Variants in VWF observed in about 807,000 individuals in gnomAD.
VWF encodes von Willebrand factor, also known as Factor VIII related antigen.
A neutral mutation model predicts 308.6 loss-of-function variants in VWF; 176 were observed. That is an observed-to-expected ratio of 0.57 (90% CI 0.50 to 0.65). The LOEUF is 0.65. Among genes scored for constraint, VWF ranks in the 30% least tolerant of loss-of-function variants. The pLI is 0.00. For synonymous variants in VWF, 1,385 were observed against 1,443.4 expected, an observed-to-expected ratio of 0.96 and a Z score of 0.92; for missense variants, 3,146 against 3,648.2, an observed-to-expected ratio of 0.86 and a Z score of 3.55.
intron 6 of VWF, among the ~76,000 whole-genome samples, chr12:6,081,975 T>G (rs558837397): frequency 7.8e-4 from 117 of 150,932 alleles, no homozygotes; most frequent in African/African-American, 2.7e-3. Context: ...AATATGGTGT[T>G]TTTTTTTTTG....
chr12:6,116,956 C>G (rs576475546), intron 3 of VWF, among the ~76,000 whole-genome samples: 113 of 152,256 alleles, frequency 7.4e-4, no homozygotes, highest in Middle Eastern at 3.4e-3. Flanking sequence ...AAGTCCTGGG[C>G]TCCCTCCCCT....
In VWF at chr12:6,075,039, G is replaced by A. The variant is rs1214257096; in HGVS notation, c.874+296C>T. Among the ~76,000 whole-genome samples, 1 of 150,750 alleles carries A rather than the reference G, an allele frequency of 6.6e-6. No individual in the cohort carries two copies. Among genetic ancestry groups the A allele is most frequent in the Admixed American group, 6.6e-5 (1 of 15,054 alleles). ...ACTGCCAAGATCTTGGTGGGAAGCA[G>A]AGAACACTGTGTGAGTGCAGGGGTC... On this transcript the variant is annotated intron_variant, in intron 7 of 51. Transcript: ENST00000261405. The surrounding 1 kb of genome is among the most constrained non-coding windows in gnomAD (Gnocchi z 4.7).
chr12:5,999,652 T>A (rs1259260174), intron 34 of VWF, among the ~76,000 whole-genome samples: 3 of 152,148 alleles, frequency 2.0e-5, no homozygotes, highest in East Asian at 3.9e-4. Flanking sequence ...ACACTCCTCA[T>A]CTAATGAAAA....
At chr12:5,964,246 ACATG>A (rs1555189790) in intron 47 of VWF, among the ~76,000 whole-genome samples, 2,122 of 133,062 alleles carry the variant, frequency 0.016, 45 homozygotes, top group African/African-American at 0.065. Context: ...ATACATACAT[ACATG>A]CATACATACA....
chr12:6,068,526 G>A (rs1376017744), intron 10 of VWF, among the ~76,000 whole-genome samples: 2 of 152,022 alleles, frequency 1.3e-5, no homozygotes, highest in Non-Finnish European at 2.9e-5. Context: ...GTGGAGTGCA[G>A]TGGCGCCATC....
rs373521756 is a variant in VWF, at chr12:6,072,349, G to A, written c.1091C>T (p.Ser364Phe). 2 of 1,614,072 alleles carry A rather than the reference G, an allele frequency of 1.2e-6. No individual in the cohort carries two copies. Among genetic ancestry groups the A allele is most frequent in the Non-Finnish European group, 1.7e-6 (2 of 1,180,010 alleles). The change falls in exon 9 of 52, where the codon TCT becomes TTT. Residue 364 changes from serine (S) to phenylalanine (F), a missense_variant. Coordinates refer to ENST00000261405, the MANE Select transcript of VWF (RefSeq NM_000552.5). ...CCATTACCAGGTGTTGCAGTCTCGA[G>A]AGAGGGAGGTGCCGGGAGGGTAGCG... ...GKRYPPGTSL[S>F]RDCNTCICRN...
rs761354900 is a variant in VWF, at chr12:6,034,757, C to T, written c.2616G>A (p.Met872Ile). 5.6e-6 allele frequency: 9 copies of T among 1,614,110 alleles called. No individual in the cohort carries two copies. The East Asian group carries it at 1.8e-4, about 32-fold the overall frequency. ...GCCCGTCGAAGGTGAGGTAGTGGGC[C>T]ATGCCGATCGTGGAGCACGTGGCAT... is the stretch of plus-strand genomic sequence containing the variant. ...VCDATCSTIG[M>I]AHYLTFDGLK... The change falls in exon 20 of 52, where the codon ATG becomes ATA. Residue 872 changes from methionine to isoleucine, a missense_variant. Coordinates refer to ENST00000261405, the MANE Select transcript of VWF (RefSeq NM_000552.5).
chr12:6,094,266 G>A (rs1945080517), intron 6 of VWF, among the ~76,000 whole-genome samples: 1 of 152,164 alleles, frequency 6.6e-6, no homozygotes. Flanking sequence ...AGCAGCTTCA[G>A]GAAGCCATCC....
chr12:5,969,250 T>G lies in VWF; in HGVS notation c.7690A>C (p.Ser2564Arg), dbSNP rs767664790. ...GGGCAGCACGCTGAGGTCTTACAGC[T>G]CAGCTGAAAGCCCGAGGGGCAGACA... is the stretch of plus-strand genomic sequence containing the variant. The part of the protein sequence containing the change: ...VPVCPSGFQL[S>R]CKTSACCPSC... Residue 2564 changes from serine to arginine, a missense_variant, in exon 45 of 52, where the codon AGC (serine) becomes CGC (arginine). By Grantham distance (110) the Ser-to-Arg change is moderately radical. This residue lies in a region of VWF where 989 missense variants were observed against 1,117.4 expected (regional missense o/e 0.89). Coordinates refer to ENST00000261405, the MANE Select transcript of VWF (RefSeq NM_000552.5). The G allele has an allele frequency of 6.2e-7, 1 of 1,614,088 alleles. No homozygotes were observed. Among genetic ancestry groups the G allele is most frequent in the East Asian group, 2.2e-5 (1 of 44,882 alleles).
intron 3 of VWF, among the ~76,000 whole-genome samples, chr12:6,114,574 C>T (rs768745167): frequency 2.6e-5 from 4 of 152,170 alleles, no homozygotes; most frequent in Non-Finnish European, 5.9e-5. Context: ...CTGCGGGGCT[C>T]GGGGCTGGCC....
At chr12:6,089,988 C>G (rs1945013092) in intron 6 of VWF, among the ~76,000 whole-genome samples, 1 of 151,756 alleles carries the variant, frequency 6.6e-6, no homozygotes, top group South Asian at 2.1e-4. Flanking sequence ...GATGGAGTCT[C>G]GCTGTGTCAC....
intron 13 of VWF, among the ~76,000 whole-genome samples, chr12:6,062,218 G>C (rs959104309): frequency 6.6e-6 from 1 of 152,098 alleles, no homozygotes; most frequent in Non-Finnish European, 1.5e-5. Context: ...GTTCTGATGG[G>C]AAAGGCATGA....
chr12:6,087,313 G>T (rs1416609046), intron 6 of VWF, among the ~76,000 whole-genome samples: 1 of 151,770 alleles, frequency 6.6e-6, no homozygotes, highest in Non-Finnish European at 1.5e-5. Flanking sequence ...TCTGCAAGAT[G>T]GCTGGGAAGC....
At chr12:6,089,655 A>G (rs1945009712) in intron 6 of VWF, among the ~76,000 whole-genome samples, 1 of 152,190 alleles carries the variant, frequency 6.6e-6, no homozygotes, top group Non-Finnish European at 1.5e-5. Context: ...CCCACTCAGT[A>G]TGGATAAATG....
intron 3 of VWF, among the ~76,000 whole-genome samples, chr12:6,113,140 A>G (rs918728394): frequency 6.6e-6 from 1 of 152,152 alleles, no homozygotes; most frequent in Non-Finnish European, 1.5e-5. Flanking sequence ...ATGAAAGGGG[A>G]CTTGTCCTGT....
At position 6,044,388 on chromosome 12, in the gene VWF, C is replaced by G. The variant is rs61748472; in HGVS notation, c.2345G>C (p.Arg782Pro). 11 of 1,614,052 alleles carry G rather than the reference C, an allele frequency of 6.8e-6. No individual in the cohort carries two copies. Among genetic ancestry groups the G allele is most frequent in the Non-Finnish European group, 8.5e-6 (10 of 1,180,028 alleles). ...VKLVCPADNL[R>P]AEGLECTKTC... is the part of the protein sequence containing the mutation. Reference sequence around the variant, plus strand: ...TTTGGTACACTCGAGCCCTTCAGCCCGCAGGTTGTCAGCGGGACACACCAG... The same window carrying G: ...TTTGGTACACTCGAGCCCTTCAGCCGGCAGGTTGTCAGCGGGACACACCAG... The change falls in exon 18 of 52, where the codon CGG (arginine) becomes CCG (proline). Residue 782 changes from arginine to proline, a missense_variant. Arg to Pro is a moderately radical substitution (Grantham distance 103, BLOSUM62 -2). Coordinates refer to ENST00000261405, the MANE Select transcript of VWF (RefSeq NM_000552.5).
intron 5 of VWF, among the ~76,000 whole-genome samples, chr12:6,099,183 G>A (rs541341911): frequency 6.6e-6 from 1 of 151,932 alleles, no homozygotes; most frequent in African/African-American, 2.4e-5. Flanking sequence ...AGCCAGGCGT[G>A]GGGGTGGATG....
rs1944835688 is a variant in VWF at position 6,075,755 on chromosome 12, G to A, written c.658-204C>T. Among the ~76,000 whole-genome samples, 1 of 152,234 alleles carries A rather than the reference G, an allele frequency of 6.6e-6. No individual in the cohort carries two copies. Among genetic ancestry groups the A allele is most frequent in the East Asian group, 1.9e-4 (1 of 5,198 alleles). On this transcript the variant is annotated intron_variant, in intron 6 of 51. Coordinates refer to ENST00000261405, the MANE Select transcript of VWF (RefSeq NM_000552.5). This position sits in a 1 kb window ranked among gnomAD's most constrained non-coding sequence, Gnocchi z 4.7. ...CCCGTGCAATGTGAAGTAGACCAAG[G>A]CTAAGGTTACATCCTAGACTGAGTC...
chr12:6,114,783 G>T (rs1945345810), intron 3 of VWF, among the ~76,000 whole-genome samples: 1 of 152,182 alleles, frequency 6.6e-6, no homozygotes, highest in Non-Finnish European at 1.5e-5. Context: ...GGGGACGTGG[G>T]GCTGGCTGCC....
Sources: gnomAD v4.1 joint callset for allele counts (sites outside exome capture counted in the v4.1 genomes callset) on GRCh38, gnomAD v4.1.1 for gene constraint, gnomAD v4.1.1 regional missense constraint, Gnocchi (gnomAD v3.1) non-coding constraint, MANE v1.5 for transcripts, NCBI Gene and HGNC (gene_info 2026-07-23, HGNC 2026-07-21) for gene names.